RAB8B: variants seen among roughly 807,000 people sequenced by gnomAD.
RAB8B encodes the protein RAB8B, member RAS oncogene family, also known as ras-related protein Rab-8B.
Under a neutral mutation model 32.0 loss-of-function variants are expected in RAB8B, and 11 were observed. The ratio of observed to expected loss-of-function variants is 0.34; its 90% CI spans 0.22 to 0.57. The LOEUF (loss-of-function observed/expected upper bound fraction) is 0.57. Among genes scored for constraint, RAB8B ranks in the 20% least tolerant of loss-of-function variants. The pLI, the probability that RAB8B is intolerant of heterozygous loss-of-function variation, is 0.86. For missense variants in RAB8B, 190 were observed against 258.5 expected (o/e 0.73, Z 1.82); for synonymous variants, 103 against 89.6 (o/e 1.15, Z -0.85).
Position 63,263,768 on chromosome 15 carries a change from A to T in RAB8B, c.*149A>T. ...CCTCTCAACACAGTATGCCAAGTGG[A>T]TTCCAGCCTCATGGCCTAGCAAAAG... On this transcript the variant is annotated 3_prime_UTR_variant, in exon 8 of 8. Coordinates refer to ENST00000321437, the MANE Select transcript of RAB8B (RefSeq NM_016530.3). 1.8e-6 allele frequency: 1 copy of T among 547,856 alleles called. No individual in the cohort carries two copies. The highest frequency in any genetic ancestry group is 3.2e-6 in the Non-Finnish European group (1 of 312,082). The allele number at this position is 547,856 out of a possible 1,614,324, so 33.9% of individuals were successfully genotyped here.
intron 1 of RAB8B, among the ~76,000 whole-genome samples, chr15:63,209,089 C>A (rs1008963527): frequency 1.3e-4 from 20 of 151,898 alleles, no homozygotes; most frequent in African/African-American, 4.3e-4. Flanking sequence ...CAGAGTTTCG[C>A]CATGTTGCCC....
chr15:63,262,625 G>GTGAATATATATATGTA (rs1567022540), intron 6 of RAB8B, 67 bp from the exon 7 acceptor site: 6 of 354,080 alleles, frequency 1.7e-5, no homozygotes, highest in African/African-American at 1.5e-4. Flanking sequence ...ATATATATGT[G>GTGAATATATATATGTA]TATATATATA....
At chr15:63,201,943 C>T (rs2037654632) in intron 1 of RAB8B, among the ~76,000 whole-genome samples, 1 of 151,920 alleles carries the variant, frequency 6.6e-6, no homozygotes, top group Admixed American at 6.6e-5. Flanking sequence ...ATAGGACCAG[C>T]CCCTTTCAGT....
chr15:63,239,741 T>A (rs1398858889), intron 1 of RAB8B, among the ~76,000 whole-genome samples: 1 of 152,186 alleles, frequency 6.6e-6, no homozygotes, highest in East Asian at 1.9e-4. Context: ...ATCTTTACCC[T>A]TAGTAGTATA....
rs2038221682 is a variant in RAB8B at position 63,263,856 on chromosome 15, T to C, written c.*237T>C. 1 of 411,342 alleles carries C rather than the reference T, an allele frequency of 2.4e-6. No homozygotes were observed. The highest frequency in any genetic ancestry group is 5.6e-5 in the South Asian group (1 of 17,786). The allele number at this position is 411,342 out of a possible 1,614,324, so 25.5% of individuals were successfully genotyped here. Reference sequence around the variant, plus strand: ...GGAGACACATGCAGGACCTAACTCGTTTTTTCCTTGTTTTATTACCTGTTG... The same window carrying C: ...GGAGACACATGCAGGACCTAACTCGCTTTTTCCTTGTTTTATTACCTGTTG... On this transcript the variant is annotated 3_prime_UTR_variant, in exon 8 of 8. Coordinates refer to ENST00000321437, the MANE Select transcript of RAB8B (RefSeq NM_016530.3).
At chr15:63,211,922 C>A (rs1395861497) in intron 1 of RAB8B, among the ~76,000 whole-genome samples, 2 of 152,106 alleles carry the variant, frequency 1.3e-5, no homozygotes, top group Non-Finnish European at 2.9e-5. Context: ...GCCTCAACTT[C>A]CCAGGCTCAG....
rs142907187 is a variant in RAB8B, at chr15:63,197,650, A to G, written c.124+7902A>G. ...CGGCCTCCCAAAGTGTTAGCATTACAGTGAGCCACCACACCTGGCTGAAAT... is the reference window on the plus strand; with the variant it reads ...CGGCCTCCCAAAGTGTTAGCATTACGGTGAGCCACCACACCTGGCTGAAAT... On this transcript the variant is annotated intron_variant, in intron 1 of 7. Transcript: ENST00000321437. Among the ~76,000 whole-genome samples the G allele has an allele frequency of 2.0e-5, 3 of 152,264 alleles. No homozygotes were observed. In the East Asian group the frequency reaches 5.8e-4, roughly 29 times the overall value.
intron 1 of RAB8B, 44 bp from the exon 2 acceptor site, chr15:63,244,712 A>C (rs1272380596): frequency 6.9e-7 from 1 of 1,447,888 alleles, no homozygotes; most frequent in Non-Finnish European, 9.6e-7. Context: ...GACTTGGATT[A>C]TATCTGAAGA....
intron 2 of RAB8B, among the ~76,000 whole-genome samples, chr15:63,246,411 T>A (rs1248266901): frequency 6.6e-6 from 1 of 152,200 alleles, no homozygotes; most frequent in Non-Finnish European, 1.5e-5. Context: ...CTCCTCTGAT[T>A]CCTTTAATTT....
chr15:63,251,223 G>T, intron 3 of RAB8B: 1 of 453,968 alleles, frequency 2.2e-6, no homozygotes, highest in Non-Finnish European at 4.4e-6. Context: ...GGAATCAAAG[G>T]GAAGGGGCTT....
chr15:63,266,075 C>A lies in RAB8B; in HGVS notation c.*2456C>A, dbSNP rs1188688255. ...ATGTACATACAGTGCATTATTTTTTCTATTTGTAGATGAATTTAATGACAG... is the reference window on the plus strand; with the variant it reads ...ATGTACATACAGTGCATTATTTTTTATATTTGTAGATGAATTTAATGACAG... On this transcript the variant is annotated 3_prime_UTR_variant, in exon 8 of 8. Coordinates refer to ENST00000321437, the MANE Select transcript of RAB8B (RefSeq NM_016530.3). The A allele has an allele frequency of 6.6e-6, 1 of 152,530 alleles. No individual in the cohort carries two copies. The highest frequency in any genetic ancestry group is 1.5e-5 in the Non-Finnish European group (1 of 67,980). 9.4% of individuals were successfully genotyped at this position (152,530 alleles called of 1,614,324 possible). A position where few individuals can be genotyped will look rare whatever the true frequency, so the allele number is the denominator to read the frequency against.
Position 63,259,760 on chromosome 15 carries a change from C to T in RAB8B, c.480+68C>T. The T allele has an allele frequency of 1.5e-6, 2 of 1,344,840 alleles. No homozygotes were observed. Among genetic ancestry groups the T allele is most frequent in the African/African-American group, 2.9e-5 (2 of 68,834 alleles). 83.3% of individuals were successfully genotyped at this position (1,344,840 alleles called of 1,614,324 possible). A position where few individuals can be genotyped will look rare whatever the true frequency, so the allele number is the denominator to read the frequency against. On this transcript the variant is annotated intron_variant, in intron 6 of 7. Coordinates refer to ENST00000321437, the MANE Select transcript of RAB8B (RefSeq NM_016530.3). This position sits in a 1 kb window ranked among gnomAD's most constrained non-coding sequence, Gnocchi z 4.4. ...TGCTTAGGGGCCTGTGTTCAAACAGCTCTCAGAGCTTTGGTATTTTCTGAC... is the reference window on the plus strand; with the variant it reads ...TGCTTAGGGGCCTGTGTTCAAACAGTTCTCAGAGCTTTGGTATTTTCTGAC...
At chr15:63,228,654 A>G (rs1248557121) in intron 1 of RAB8B, among the ~76,000 whole-genome samples, 6 of 152,216 alleles carry the variant, frequency 3.9e-5, no homozygotes, top group Admixed American at 2.6e-4. Context: ...TTTGGTGGAT[A>G]ATGATTGCAG....
At chr15:63,210,454 C>T (rs1420974649) in intron 1 of RAB8B, among the ~76,000 whole-genome samples, 3 of 152,194 alleles carry the variant, frequency 2.0e-5, no homozygotes, top group Non-Finnish European at 2.9e-5. Context: ...TCTTTTGTTA[C>T]TGAGACTGAA....
At chr15:63,238,215 A>G (rs1362243520) in intron 1 of RAB8B, among the ~76,000 whole-genome samples, 6 of 151,544 alleles carry the variant, frequency 4.0e-5, no homozygotes, top group Non-Finnish European at 8.8e-5. Flanking sequence ...TTGAGATTGT[A>G]TAGTCCTTTT....
chr15:63,223,480 A>G (rs371128868), intron 1 of RAB8B, among the ~76,000 whole-genome samples: 1 of 152,296 alleles, frequency 6.6e-6, no homozygotes, highest in Admixed American at 6.5e-5. Context: ...AAACACACAA[A>G]TACTTACCAT....
At chr15:63,247,847 A>ATAAC (rs1385069631) in intron 2 of RAB8B, among the ~76,000 whole-genome samples, 1 of 152,234 alleles carries the variant, frequency 6.6e-6, no homozygotes, top group African/African-American at 2.4e-5. Flanking sequence ...TGAAGCTGGG[A>ATAAC]TAACTACTCA....
chr15:63,211,161 T>G (rs2141115928), intron 1 of RAB8B, among the ~76,000 whole-genome samples: 1 of 152,362 alleles, frequency 6.6e-6, no homozygotes, highest in African/African-American at 2.4e-5. Context: ...CAGCTCTGCT[T>G]TTATTAGCTT....
intron 1 of RAB8B, among the ~76,000 whole-genome samples, chr15:63,226,272 A>G (rs1439078091): frequency 6.6e-6 from 1 of 152,204 alleles, no homozygotes; most frequent in South Asian, 2.1e-4. Flanking sequence ...CTCTTTAGCC[A>G]TATCTGTTAC....
Sources: allele counts gnomAD v4.1 joint callset (sites outside exome capture counted in the v4.1 genomes callset), GRCh38; gene constraint gnomAD v4.1.1; non-coding constraint Gnocchi (gnomAD v3.1); transcripts MANE v1.5; gene names NCBI Gene and HGNC (gene_info 2026-07-23, HGNC 2026-07-21).